Variants in SETBP1 observed in about 807,000 individuals in gnomAD.
SETBP1 encodes SET binding protein 1.
Under a neutral mutation model 101.0 loss-of-function variants are expected in SETBP1, and 9 were observed. The ratio of observed to expected loss-of-function variants is 0.09; its 90% CI spans 0.05 to 0.16. The LOEUF (loss-of-function observed/expected upper bound fraction) is 0.16, where lower values mean the gene tolerates loss of function less well. SETBP1 is among the 10% of genes least tolerant of loss of function. The pLI is 1.00. For missense variants in SETBP1, 1,858 were observed against 2,033.8 expected (o/e 0.91, Z 1.66); for synonymous variants, 818 against 788.5 (o/e 1.04, Z -0.63).
At chr18:44,878,038 G>A (rs934606224) in intron 3 of SETBP1, among the ~76,000 whole-genome samples, 1 of 152,154 alleles carries the variant, frequency 6.6e-6, no homozygotes, top group Admixed American at 6.6e-5. Flanking sequence ...TGGGTGTTGG[G>A]GGGTAGGTGG....
At chr18:44,932,583 A>T (rs2070862416) in intron 3 of SETBP1, among the ~76,000 whole-genome samples, 1 of 152,140 alleles carries the variant, frequency 6.6e-6, no homozygotes, top group African/African-American at 2.4e-5. Context: ...CACCAATCAG[A>T]TGTAGATTTG....
intron 2 of SETBP1, among the ~76,000 whole-genome samples, chr18:44,836,219 A>G (rs1201554629): frequency 8.6e-5 from 13 of 152,024 alleles, no homozygotes; most frequent in Admixed American, 8.5e-4. Context: ...ACAAACACTG[A>G]ATTGTATATC....
At chr18:44,843,381 T>G (rs1298514938) in intron 2 of SETBP1, among the ~76,000 whole-genome samples, 1 of 152,210 alleles carries the variant, frequency 6.6e-6, no homozygotes, top group Non-Finnish European at 1.5e-5. Context: ...GATTTTTGGC[T>G]TCTGTCAACC....
At chr18:44,944,873 G>A (rs1175783910) in intron 3 of SETBP1, among the ~76,000 whole-genome samples, 1 of 151,884 alleles carries the variant, frequency 6.6e-6, no homozygotes, top group Non-Finnish European at 1.5e-5. Context: ...CTGAGATAAG[G>A]CTAGGTCACT....
chr18:44,934,249 A>G (rs1290418608), intron 3 of SETBP1, among the ~76,000 whole-genome samples: 1 of 151,782 alleles, frequency 6.6e-6, no homozygotes, highest in Non-Finnish European at 1.5e-5. Flanking sequence ...CCTAGGTTCA[A>G]GCGATTCTCC....
intron 3 of SETBP1, among the ~76,000 whole-genome samples, chr18:44,888,518 G>A (rs1297380648): frequency 1.3e-5 from 2 of 152,112 alleles, no homozygotes; most frequent in African/African-American, 4.8e-5. Flanking sequence ...CCCATTTGGT[G>A]CAAAGCAAAT....
chr18:44,683,955 G>T lies in SETBP1; in HGVS notation c.-173+2934G>T, dbSNP rs1468587270. On this transcript the variant is annotated intron_variant, in intron 1 of 5. Transcript: ENST00000649279. ...GGAGGAGTTGCAGTGCTTTAAAAAT[G>T]GGATGGTGTTATTGAGTTTGTTCAG... Among the ~76,000 whole-genome samples, 3 of 152,192 alleles carry T rather than the reference G, an allele frequency of 2.0e-5. 1 individual carries two copies. Among genetic ancestry groups the T allele is most frequent in the African/African-American group, 7.2e-5 (3 of 41,440 alleles).
intron 4 of SETBP1, among the ~76,000 whole-genome samples, chr18:45,028,753 A>G (rs1040717775): frequency 2.2e-4 from 34 of 152,210 alleles, no homozygotes; most frequent in East Asian, 1.9e-4. Flanking sequence ...GCATTTCTCT[A>G]ATGGCCAGTG....
intron 2 of SETBP1, among the ~76,000 whole-genome samples, chr18:44,706,306 C>T (rs1409062408): frequency 6.6e-6 from 1 of 151,986 alleles, no homozygotes; most frequent in Non-Finnish European, 1.5e-5. Context: ...TCCAGTAGTG[C>T]TGGGCACAGT....
Position 45,066,609 on chromosome 18 carries a change from G to A in SETBP1, c.*2911G>A, listed in dbSNP as rs1442766291. ...GTTGCAGAGCTAGGAAGAAAACCCA[G>A]CTCTCCCAACCCTGATCGTGGAGGT... On this transcript the variant is annotated 3_prime_UTR_variant, in exon 6 of 6. Transcript: ENST00000649279. The A allele has an allele frequency of 6.6e-6, 1 of 151,070 alleles. No homozygotes were observed. The highest frequency in any genetic ancestry group is 1.5e-5 in the Non-Finnish European group (1 of 67,942). 9.4% of individuals were successfully genotyped at this position (151,070 alleles called of 1,614,324 possible).
chr18:44,819,607 T>C (rs1017352947), intron 2 of SETBP1, among the ~76,000 whole-genome samples: 1 of 152,116 alleles, frequency 6.6e-6, no homozygotes, highest in African/African-American at 2.4e-5. Flanking sequence ...CATGGTCCCA[T>C]GCAGGGCAGA....
chr18:44,808,938 C>T (rs1434745854), intron 2 of SETBP1, among the ~76,000 whole-genome samples: 3 of 152,282 alleles, frequency 2.0e-5, no homozygotes, highest in East Asian at 1.9e-4. Flanking sequence ...ATTAGGTTCC[C>T]GCAGCAGTAT....
intron 4 of SETBP1, 113 bp downstream of exon 4, chr18:44,953,453 C>A (rs924806831): frequency 6.3e-6 from 6 of 945,030 alleles, no homozygotes; most frequent in Non-Finnish European, 5.0e-6. Context: ...AGGTGGGAAT[C>A]AAATTAAAAT....
chr18:44,980,219 G>A (rs973285255), intron 4 of SETBP1, among the ~76,000 whole-genome samples: 1 of 152,184 alleles, frequency 6.6e-6, no homozygotes, highest in African/African-American at 2.4e-5. Context: ...AGTGGTGTCA[G>A]GACATGTATT....
intron 2 of SETBP1, among the ~76,000 whole-genome samples, chr18:44,755,455 G>T (rs924316238): frequency 2.6e-5 from 4 of 152,026 alleles, no homozygotes; most frequent in African/African-American, 9.6e-5. Context: ...GCTCCCTCTT[G>T]TTTTCTCTCT....
chr18:44,737,287 TA>T (rs1396859559), intron 2 of SETBP1, among the ~76,000 whole-genome samples: 1 of 152,182 alleles, frequency 6.6e-6, no homozygotes, highest in Non-Finnish European at 1.5e-5. Flanking sequence ...AGCAACGTGT[TA>T]GTCTCTAGAA....
chr18:44,853,593 A>C (rs1458670610), intron 2 of SETBP1, among the ~76,000 whole-genome samples: 1 of 152,236 alleles, frequency 6.6e-6, no homozygotes, highest in Non-Finnish European at 1.5e-5. Flanking sequence ...CTTGAGTATG[A>C]TTGGCTACTA....
intron 2 of SETBP1, among the ~76,000 whole-genome samples, chr18:44,817,924 A>T (rs946682443): frequency 3.3e-5 from 5 of 152,226 alleles, no homozygotes; most frequent in African/African-American, 1.2e-4. Flanking sequence ...TGTCTCAAAA[A>T]GTCTGGCACT....
At chr18:44,828,086 GTTC>G (rs1190448388) in intron 2 of SETBP1, among the ~76,000 whole-genome samples, 1 of 152,258 alleles carries the variant, frequency 6.6e-6, no homozygotes, top group Non-Finnish European at 1.5e-5. Context: ...TTCTCAAAGT[GTTC>G]TTCTCGTGAC....
Sources: gnomAD v4.1 joint callset for allele counts (sites outside exome capture counted in the v4.1 genomes callset) on GRCh38, gnomAD v4.1.1 for gene constraint, MANE v1.5 for transcripts, NCBI Gene and HGNC (gene_info 2026-07-23, HGNC 2026-07-21) for gene names.